Variants in PAPPA2 observed in about 807,000 individuals in gnomAD.
PAPPA2 encodes pappalysin-2.
A neutral mutation model predicts 176.4 loss-of-function variants in PAPPA2; 86 were observed. That is an observed-to-expected ratio of 0.49 (90% confidence interval 0.41 to 0.58). PAPPA2 has a LOEUF of 0.58. PAPPA2 is among the 20% of genes least tolerant of loss of function. The pLI is 0.00. For missense variants in PAPPA2, 2,073 were observed against 2,256.9 expected, an observed-to-expected ratio of 0.92 and a Z score of 1.65; for synonymous variants, 809 against 852.2, an observed-to-expected ratio of 0.95 and a Z score of 0.88.
At chr1:176,808,128 G>T (rs982861750) in intron 21 of PAPPA2, among the ~76,000 whole-genome samples, 1 of 150,530 alleles carries the variant, frequency 6.6e-6, no homozygotes, top group African/African-American at 2.5e-5. Context: ...ATTGGCAATG[G>T]ATTCAGCTTA....
At chr1:176,616,430 A>C (rs941424498) in intron 3 of PAPPA2, 22 of 644,634 alleles carry the variant, frequency 3.4e-5, no homozygotes, top group Non-Finnish European at 5.8e-5. Context: ...TTCCACCTTC[A>C]ACTGATGCTA....
At chr1:176,731,690 T>C (rs1662156372) in intron 12 of PAPPA2, among the ~76,000 whole-genome samples, 1 of 151,554 alleles carries the variant, frequency 6.6e-6, no homozygotes, top group Non-Finnish European at 1.5e-5. Flanking sequence ...TATATACATA[T>C]ATGTGTACAT....
intron 1 of PAPPA2, among the ~76,000 whole-genome samples, chr1:176,496,863 C>T (rs1038301531): frequency 1.3e-4 from 20 of 152,308 alleles, no homozygotes; most frequent in Admixed American, 4.6e-4. Flanking sequence ...GACTTGTCCA[C>T]GGTCACATTA....
intron 2 of PAPPA2, among the ~76,000 whole-genome samples, chr1:176,568,557 G>T (rs1437948418): frequency 6.6e-6 from 1 of 152,210 alleles, no homozygotes; most frequent in Non-Finnish European, 1.5e-5. Flanking sequence ...CTCAGGAGCA[G>T]TGAGGAGTGA....
At chr1:176,648,962 G>A (rs1298679349) in intron 3 of PAPPA2, among the ~76,000 whole-genome samples, 4 of 151,642 alleles carry the variant, frequency 2.6e-5, no homozygotes, top group East Asian at 3.9e-4. Context: ...GAGTTTGGAA[G>A]TATTCTCTCC....
At chr1:176,599,508 CTTT>C (rs10592905) in intron 3 of PAPPA2, among the ~76,000 whole-genome samples, 47 of 129,254 alleles carry the variant, frequency 3.6e-4, no homozygotes, top group Middle Eastern at 4.1e-3. Flanking sequence ...GTTTGTTCTA[CTTT>C]TTTTTTTTTT....
intron 1 of PAPPA2, among the ~76,000 whole-genome samples, chr1:176,546,958 T>C (rs1169596918): frequency 6.6e-6 from 1 of 152,182 alleles, no homozygotes; most frequent in African/African-American, 2.4e-5. Flanking sequence ...AATGATTTAA[T>C]GGGTCAAAAT....
At chr1:176,529,928 C>T (rs1031203184) in intron 1 of PAPPA2, among the ~76,000 whole-genome samples, 3 of 152,144 alleles carry the variant, frequency 2.0e-5, no homozygotes, top group Admixed American at 1.3e-4. Flanking sequence ...CTAATCCCTT[C>T]TTTGATGCCA....
intron 3 of PAPPA2, among the ~76,000 whole-genome samples, chr1:176,625,727 G>T (rs1379076201): frequency 6.6e-6 from 1 of 152,172 alleles, no homozygotes; most frequent in Non-Finnish European, 1.5e-5. Flanking sequence ...ATGTGGAGAA[G>T]AGTATATACG....
chr1:176,812,177 A>G (rs1005885181), intron 21 of PAPPA2, among the ~76,000 whole-genome samples: 22 of 135,942 alleles, frequency 1.6e-4, no homozygotes, highest in Admixed American at 2.9e-4. Context: ...CTCCCACTCC[A>G]CCCTTTTTCT....
intron 2 of PAPPA2, among the ~76,000 whole-genome samples, chr1:176,557,881 G>C (rs1357359448): frequency 6.6e-6 from 1 of 152,196 alleles, no homozygotes; most frequent in Non-Finnish European, 1.5e-5. Context: ...CCAAGATCCT[G>C]ACTTCTAGGC....
intron 12 of PAPPA2, among the ~76,000 whole-genome samples, chr1:176,712,665 A>T (rs1661197131): frequency 6.6e-6 from 1 of 152,170 alleles, no homozygotes. Flanking sequence ...GCATTTCTGT[A>T]CATTTTTGTG....
At position 176,699,395 on chromosome 1, in the gene PAPPA2, T is replaced by G; in HGVS notation, c.3042T>G (p.Asp1014Glu). ...CACTCACCATCAAACTGCACGTGGA[T>G]GGGAAGGTGTCGGGGGTGAAAGTCT... ...DIPLTIKLHV[D>E]GKVSGVKVYT... Residue 1014 changes from aspartate to glutamate, a missense_variant, in exon 8 of 23, where the codon GAT (aspartate) becomes GAG (glutamate). By Grantham distance (45) the Asp-to-Glu change is conservative (BLOSUM62 2). This residue lies in a region of PAPPA2 where 1,196 missense variants were observed against 1,330.4 expected (regional missense o/e 0.90). Transcript: ENST00000367662. The G allele has an allele frequency of 6.2e-7, 1 of 1,614,108 alleles. No homozygotes were observed. The highest frequency in any genetic ancestry group is 8.5e-7 in the Non-Finnish European group (1 of 1,180,000).
At chr1:176,781,326 G>A (rs1664702668) in intron 17 of PAPPA2, among the ~76,000 whole-genome samples, 1 of 137,388 alleles carries the variant, frequency 7.3e-6, no homozygotes, top group Non-Finnish European at 1.5e-5. Flanking sequence ...TTTTTTCAGA[G>A]AGGCTCTATT....
At chr1:176,804,451 A>G (rs1235515975) in intron 21 of PAPPA2, among the ~76,000 whole-genome samples, 1 of 152,202 alleles carries the variant, frequency 6.6e-6, no homozygotes, top group Non-Finnish European at 1.5e-5. Context: ...AGTGCACAGT[A>G]TAGCCCACAA....
At chr1:176,629,598 G>A (rs554776412) in intron 3 of PAPPA2, among the ~76,000 whole-genome samples, 8 of 152,264 alleles carry the variant, frequency 5.3e-5, no homozygotes, top group South Asian at 4.1e-4. Flanking sequence ...AGAAAGGAAC[G>A]TAGGGACAAT....
In PAPPA2 at chr1:176,820,433, G is replaced by C. The variant is rs574880001; in HGVS notation, c.5203-19740G>C. 3.9e-5 allele frequency among the ~76,000 whole-genome samples: 6 copies of C among 152,262 alleles called. No individual in the cohort carries two copies. In the South Asian group the frequency reaches 1.2e-3, roughly 32 times the overall value. On this transcript the variant is annotated intron_variant, in intron 21 of 22. Transcript: ENST00000367662. ...TGGCTGGAGATCTAACCCATGGTGAGAGGCCGCCACTGAGGCAGCATTTCA... is the reference window on the plus strand; with the variant it reads ...TGGCTGGAGATCTAACCCATGGTGACAGGCCGCCACTGAGGCAGCATTTCA...
In PAPPA2 at chr1:176,671,030, C is replaced by T. The variant is rs866285678; in HGVS notation, c.2052C>T (p.Leu684=). 9 of 1,614,016 alleles carry T rather than the reference C, an allele frequency of 5.6e-6. No individual in the cohort carries two copies. The Middle Eastern group carries it at 6.6e-4, about 119-fold the overall frequency. Residue 684 remains leucine, a synonymous_variant, in exon 4 of 23, where the codon CTC becomes CTT. Transcript: ENST00000367662. ...TGCAGCTGAACAGTACTCACTTCCT[C>T]AACATCTACTTTGCCAGCTCAGTGC... is the stretch of plus-strand genomic sequence containing the variant. The part of the protein sequence containing the change: ...EALQLNSTHF[L]NIYFASSVRE...
At chr1:176,674,968 G>A (rs1418423162) in intron 4 of PAPPA2, among the ~76,000 whole-genome samples, 1 of 151,842 alleles carries the variant, frequency 6.6e-6, no homozygotes, top group Non-Finnish European at 1.5e-5. Context: ...AAAAAATTAT[G>A]GCCTTTCTTG....
Sources: allele counts gnomAD v4.1 joint callset (sites outside exome capture counted in the v4.1 genomes callset), GRCh38; gene constraint gnomAD v4.1.1; regional missense constraint gnomAD v4.1.1; transcripts MANE v1.5; gene names NCBI Gene and HGNC (gene_info 2026-07-23, HGNC 2026-07-21).